KMT2C: variants seen among roughly 807,000 people sequenced by gnomAD.
KMT2C encodes the protein lysine methyltransferase 2C, also known as histone-lysine N-methyltransferase 2C.
In KMT2C, 88 loss-of-function variants were observed where a neutral mutation model predicts 507.9. That is an observed-to-expected ratio of 0.17 (90% confidence interval 0.15 to 0.21). The LOEUF (loss-of-function observed/expected upper bound fraction) is 0.21. Among genes scored for constraint, KMT2C ranks in the 10% least tolerant of loss-of-function variants. The pLI is 1.00. For synonymous variants in KMT2C, 2,049 were observed against 2,080.8 expected (o/e 0.98, Z 0.42); for missense variants, 4,954 against 5,957.8 (o/e 0.83, Z 5.55).
chr7:152,205,283 T>G, intron 24 of KMT2C, 58 bp from the exon 25 acceptor site: 1 of 1,474,500 alleles, frequency 6.8e-7, no homozygotes, highest in Admixed American at 1.7e-5. Flanking sequence ...ATTTCCACAG[T>G]ACACAGGATA....
At chr7:152,261,181 C>T (rs1246671800) in intron 9 of KMT2C, among the ~76,000 whole-genome samples, 2 of 152,290 alleles carry the variant, frequency 1.3e-5, no homozygotes, top group Admixed American at 6.5e-5. Context: ...AAACTAACAC[C>T]CTACGTGGCC....
intron 43 of KMT2C, among the ~76,000 whole-genome samples, chr7:152,159,711 T>C (rs905339227): frequency 3.9e-5 from 6 of 152,206 alleles, no homozygotes; most frequent in Non-Finnish European, 2.9e-5. Context: ...TTTATTTTTA[T>C]CATTACAAAG....
At chr7:152,384,845 C>T (rs371980662) in intron 1 of KMT2C, among the ~76,000 whole-genome samples, 48 of 117,224 alleles carry the variant, frequency 4.1e-4, no homozygotes, top group South Asian at 1.0e-3. Flanking sequence ...CACTGGGCAA[C>T]CAAGTAAGAG....
At chr7:152,316,405 T>C (rs893624726) in intron 3 of KMT2C, among the ~76,000 whole-genome samples, 1 of 152,146 alleles carries the variant, frequency 6.6e-6, no homozygotes. Flanking sequence ...CTAAGTCTAT[T>C]AATAAAAAAG....
chr7:152,167,124 A>G (rs1282231623), intron 42 of KMT2C, 22 bp downstream of exon 42: 3 of 1,576,530 alleles, frequency 1.9e-6, no homozygotes, highest in East Asian at 2.2e-5. Flanking sequence ...GGTAGTTTCT[A>G]TTTTGCAAAC....
In KMT2C at chr7:152,177,785, T is replaced by C. The variant is rs2129115392; in HGVS notation, c.7668A>G (p.Gln2556=). 6.2e-7 allele frequency: 1 copy of C among 1,614,040 alleles called. No individual in the cohort carries two copies. Among genetic ancestry groups the C allele is most frequent in the Non-Finnish European group, 8.5e-7 (1 of 1,179,996 alleles). Residue 2556 remains glutamine, a synonymous_variant, in exon 38 of 59, where the codon CAA becomes CAG. Transcript: ENST00000262189. ...CCCTATGTCTCAGTTCAATATATGC[T>C]TGGCCCAGTATGTTGTGCTGCTGAA... ...LPVQQHNILG[Q]AYIELRHRAP... is the part of the protein sequence containing the mutation.
chr7:152,299,045 C>A (rs1182148654), intron 6 of KMT2C, among the ~76,000 whole-genome samples: 2 of 152,064 alleles, frequency 1.3e-5, no homozygotes, highest in Non-Finnish European at 2.9e-5. Flanking sequence ...GTAGGCTGGG[C>A]ACGGTGGCTC....
Position 152,299,904 on chromosome 7 carries a change from C to T in KMT2C, c.849+10062G>A, listed in dbSNP as rs542598355. ...AAATAAAAGAATGGAATAATATACACCATGCTTACGCTAGTCAAGAGAAAG... is the reference window on the plus strand; with the variant it reads ...AAATAAAAGAATGGAATAATATACATCATGCTTACGCTAGTCAAGAGAAAG... On this transcript the variant is annotated intron_variant, in intron 6 of 58. Transcript: ENST00000262189. Among the ~76,000 whole-genome samples the T allele has an allele frequency of 5.3e-5, 8 of 152,114 alleles. No homozygotes were observed. In the East Asian group the frequency reaches 1.4e-3, roughly 26 times the overall value.
intron 1 of KMT2C, among the ~76,000 whole-genome samples, chr7:152,364,609 C>CCAAAAAAAAAA (rs2097222783): frequency 2.2e-5 from 2 of 90,838 alleles, no homozygotes; most frequent in Admixed American, 1.2e-4. Context: ...ACTCCGTCTC[C>CCAAAAAAAAAA]AAAAAAAAAA....
At chr7:152,429,787 G>A (rs1331786856) in intron 1 of KMT2C, among the ~76,000 whole-genome samples, 6 of 151,632 alleles carry the variant, frequency 4.0e-5, no homozygotes, top group Non-Finnish European at 7.4e-5. Context: ...CCAAAGTGCT[G>A]GGATTACAGG....
chr7:152,415,646 C>T (rs73491333), intron 1 of KMT2C, among the ~76,000 whole-genome samples: 3 of 152,008 alleles, frequency 2.0e-5, no homozygotes, highest in South Asian at 2.1e-4. Flanking sequence ...TTTGGGAGGC[C>T]GAGGCGGGTG....
At position 152,177,888 on chromosome 7, in the gene KMT2C, A is replaced by C. The variant is rs1442855768; in HGVS notation, c.7565T>G (p.Met2522Arg). ...TTGTGAGTTATTTAAAGGCCTAGGC[A>C]TATCTACAGATACTGATCTTCTTAG... ...PQLRRSVSVDMPRPLNNSQMN... is the reference protein window; with the variant it reads ...PQLRRSVSVDRPRPLNNSQMN... The change falls in exon 38 of 59, where the codon ATG becomes AGG. Residue 2522 changes from methionine to arginine, a missense_variant. Transcript: ENST00000262189. The C allele has an allele frequency of 1.2e-6, 2 of 1,613,662 alleles. No homozygotes were observed. Among genetic ancestry groups the C allele is most frequent in the South Asian group, 1.1e-5 (1 of 91,070 alleles).
chr7:152,302,206 G>A (rs990693685), intron 6 of KMT2C, among the ~76,000 whole-genome samples: 4 of 152,100 alleles, frequency 2.6e-5, no homozygotes, highest in African/African-American at 7.2e-5. Context: ...GACAACAGAA[G>A]TATTTTTTTA....
intron 1 of KMT2C, among the ~76,000 whole-genome samples, chr7:152,422,611 G>C (rs2097784192): frequency 6.6e-6 from 1 of 152,126 alleles, no homozygotes; most frequent in Non-Finnish European, 1.5e-5. Context: ...GGCCTATGGT[G>C]ATAAACCAAT....
chr7:152,215,543 T>C (rs28496110), intron 23 of KMT2C, among the ~76,000 whole-genome samples: 3,801 of 127,582 alleles, frequency 0.03, 271 homozygotes, highest in African/African-American at 0.11. Flanking sequence ...AAAAAAAAGA[T>C]TGAAAGAAAC....
At chr7:152,435,417 CGGGCGGCGCGGAGCGGGGGA>C (rs2097908372) in intron 1 of KMT2C, among the ~76,000 whole-genome samples, 189 bp downstream of exon 1, 2 of 148,768 alleles carry the variant, frequency 1.3e-5, no homozygotes, top group South Asian at 4.2e-4. Flanking sequence ...GGAGCCCGGG[CGGGCGGCGCGGAGCGGGGGA>C]GGCCGGGCGC....
chr7:152,326,532 TC>T (rs2096830050), intron 3 of KMT2C, among the ~76,000 whole-genome samples: 1 of 152,136 alleles, frequency 6.6e-6, no homozygotes, highest in South Asian at 2.1e-4. Flanking sequence ...CTTGCTAAAA[TC>T]CTATTAATTA....
chr7:152,331,384 G>A (rs1237423466), intron 2 of KMT2C, among the ~76,000 whole-genome samples: 1 of 151,848 alleles, frequency 6.6e-6, no homozygotes, highest in Admixed American at 6.6e-5. Flanking sequence ...TTGGGAGGCT[G>A]AGGCAGGCAT....
At chr7:152,319,273 T>G (rs781506359) in intron 3 of KMT2C, among the ~76,000 whole-genome samples, 3 of 152,158 alleles carry the variant, frequency 2.0e-5, no homozygotes, top group Non-Finnish European at 4.4e-5. Context: ...TACATGAATA[T>G]CATTAATCAT....
Sources: gnomAD v4.1 joint callset for allele counts (sites outside exome capture counted in the v4.1 genomes callset) on GRCh38, gnomAD v4.1.1 for gene constraint, MANE v1.5 for transcripts, NCBI Gene and HGNC (gene_info 2026-07-23, HGNC 2026-07-21) for gene names.